ARID5B: variants seen among roughly 807,000 people sequenced by gnomAD.
The protein encoded by ARID5B is AT-rich interactive domain-containing protein 5B.
In ARID5B, 13 loss-of-function variants were observed where a neutral mutation model predicts 97.2. The ratio of observed to expected loss-of-function variants is 0.13; its 90% CI spans 0.09 to 0.21. The LOEUF (loss-of-function observed/expected upper bound fraction) is 0.21. Among genes scored for constraint, ARID5B ranks in the 10% least tolerant of loss-of-function variants. The probability of loss-of-function intolerance (pLI) is 1.00; values close to 1 mark genes in which losing one functional copy is unlikely to be tolerated. For synonymous variants in ARID5B, 556 were observed against 570.3 expected, an observed-to-expected ratio of 0.97 and a Z score of 0.36; for missense variants, 1,210 against 1,465.3, an observed-to-expected ratio of 0.83 and a Z score of 2.84.
intron 4 of ARID5B, among the ~76,000 whole-genome samples, chr10:62,045,205 C>T (rs766871878): frequency 6.6e-6 from 1 of 152,208 alleles, no homozygotes; most frequent in Non-Finnish European, 1.5e-5. Flanking sequence ...TCTTTCATTA[C>T]ACCCATAAAT....
intron 2 of ARID5B, among the ~76,000 whole-genome samples, chr10:61,904,107 C>G (rs1843669638): frequency 1.3e-5 from 2 of 149,280 alleles, no homozygotes; most frequent in Non-Finnish European, 3.0e-5. Context: ...CTCTCCCCCT[C>G]CTGATTTCTT....
chr10:62,049,246 G>A (rs1839752341), intron 4 of ARID5B: 4 of 1,386,062 alleles, frequency 2.9e-6, no homozygotes, highest in Middle Eastern at 2.7e-4. Context: ...CTCCAGCAAA[G>A]TCCTCAGGCT....
At chr10:62,055,274 TA>T (rs1469684692) in intron 5 of ARID5B, among the ~76,000 whole-genome samples, 1 of 152,218 alleles carries the variant, frequency 6.6e-6, no homozygotes, top group Non-Finnish European at 1.5e-5. Flanking sequence ...TGCCTGGGCT[TA>T]AATTCCAGAT....
chr10:62,026,298 G>A (rs533538480), intron 4 of ARID5B, among the ~76,000 whole-genome samples: 2 of 152,330 alleles, frequency 1.3e-5, no homozygotes, highest in African/African-American at 4.8e-5. Context: ...TTACCTATTA[G>A]CAGATATGTG....
chr10:62,093,558 C>T lies in ARID5B; in HGVS notation c.*528C>T. The T allele has an allele frequency of 4.3e-6, 1 of 232,784 alleles. No homozygotes were observed. Among genetic ancestry groups the T allele is most frequent in the Non-Finnish European group, 8.5e-6 (1 of 118,110 alleles). The allele number at this position is 232,784 out of a possible 1,614,324, so 14.4% of individuals were successfully genotyped here. The stretch of plus-strand genomic sequence containing the variant: ...AGAGAAGTAAACACTGTTAAATTGA[C>T]TGTATATATTTGCTTCTTAAAACTA... On this transcript the variant is annotated 3_prime_UTR_variant, in exon 10 of 10. Transcript: ENST00000279873.
chr10:61,908,913 C>CTT, intron 2 of ARID5B, among the ~76,000 whole-genome samples: 1 of 151,894 alleles, frequency 6.6e-6, no homozygotes, highest in Non-Finnish European at 1.5e-5. Flanking sequence ...AGACTCTTTC[C>CTT]ATCTGTGTTC....
rs1255967411 is a variant in ARID5B, at chr10:62,095,668, T to C, written c.*2638T>C. The C allele has an allele frequency of 8.6e-6, 2 of 232,994 alleles. No individual in the cohort carries two copies. The highest frequency in any genetic ancestry group is 1.7e-5 in the Non-Finnish European group (2 of 117,670). 14.4% of individuals were successfully genotyped at this position (232,994 alleles called of 1,614,324 possible). On this transcript the variant is annotated 3_prime_UTR_variant, in exon 10 of 10. Coordinates refer to ENST00000279873, the MANE Select transcript of ARID5B (RefSeq NM_032199.3). ...CAGTGTGTTATTTGTTTTAAAACTC[T>C]GAACAGAGATCTTGGAAATCTTTCA...
intron 3 of ARID5B, among the ~76,000 whole-genome samples, chr10:61,967,978 C>T (rs147669730): frequency 6.6e-6 from 1 of 151,734 alleles, no homozygotes; most frequent in African/African-American, 2.4e-5. Context: ...CACGTAAGGG[C>T]CTATTATGCC....
chr10:61,983,867 C>CTTTTTTTTTTTTTTT lies in ARID5B; in HGVS notation c.503-16207_503-16193dup, dbSNP rs1164342402. On this transcript the variant is annotated intron_variant, in intron 3 of 9. Coordinates refer to ENST00000279873, the MANE Select transcript of ARID5B (RefSeq NM_032199.3). ...TATATTTTTTAAACCCCCTTTTGTT[C>CTTTTTTTTTTTTTTT]TTTTTTTTTTTTTTTTTTTTTTTTT... Among the ~76,000 whole-genome samples the CTTTTTTTTTTTTTTT allele has an allele frequency of 6.5e-4, 18 of 27,588 alleles. 5 individuals are homozygous for CTTTTTTTTTTTTTTT. The highest frequency in any genetic ancestry group is 2.7e-3 in the African/African-American group (17 of 6,320). 18.1% of individuals were successfully genotyped at this position (27,588 alleles called of 152,430 possible).
chr10:61,994,588 C>A (rs1356914010), intron 3 of ARID5B, among the ~76,000 whole-genome samples: 2 of 152,124 alleles, frequency 1.3e-5, no homozygotes, highest in African/African-American at 4.8e-5. Flanking sequence ...AGAATGAAGG[C>A]CTGCTCTTAC....
chr10:62,016,645 C>A (rs1437813957), intron 4 of ARID5B, among the ~76,000 whole-genome samples: 1 of 152,198 alleles, frequency 6.6e-6, no homozygotes. Context: ...CCTATACTAA[C>A]AGACCATGTG....
chr10:62,002,170 T>A (rs189296848), intron 4 of ARID5B, among the ~76,000 whole-genome samples: 116 of 152,324 alleles, frequency 7.6e-4, no homozygotes, highest in Middle Eastern at 3.4e-3. Flanking sequence ...ATTTAAGAAT[T>A]ATTAGTCATT....
chr10:62,021,413 T>G (rs771882595), intron 4 of ARID5B, among the ~76,000 whole-genome samples: 3 of 152,200 alleles, frequency 2.0e-5, no homozygotes, highest in African/African-American at 4.8e-5. Context: ...GAGTATTTAT[T>G]TAGAAATATG....
chr10:61,919,412 A>G (rs1007354616), intron 2 of ARID5B, among the ~76,000 whole-genome samples: 15 of 152,096 alleles, frequency 9.9e-5, no homozygotes, highest in African/African-American at 3.6e-4. Context: ...GTGTATTCCA[A>G]TCCAACTCTG....
rs192409475 is a variant in ARID5B, at chr10:61,920,672, G to C, written c.276+18259G>C. 3.8e-3 allele frequency among the ~76,000 whole-genome samples: 585 copies of C among 152,148 alleles called. 2 individuals are homozygous for C. The highest frequency in any genetic ancestry group is 0.013 in the African/African-American group (543 of 41,514). On this transcript the variant is annotated intron_variant, in intron 2 of 9. Coordinates refer to ENST00000279873, the MANE Select transcript of ARID5B (RefSeq NM_032199.3). ...CTTGGAATTCTCATATGGTAGTTAA[G>C]GGCATAACATAATATTGCTCTTGAA... is the stretch of plus-strand genomic sequence containing the variant.
intron 3 of ARID5B, among the ~76,000 whole-genome samples, chr10:61,972,759 C>T (rs538830889): frequency 3.7e-4 from 57 of 152,100 alleles, no homozygotes; most frequent in Non-Finnish European, 6.9e-4. Context: ...AGGATAAACT[C>T]CTAGAAGTGG....
chr10:61,984,735 C>T (rs1589246289), intron 3 of ARID5B, among the ~76,000 whole-genome samples: 1 of 152,222 alleles, frequency 6.6e-6, no homozygotes, highest in East Asian at 1.9e-4. Context: ...AGCATTGCCA[C>T]CAAGGTTCTC....
intron 8 of ARID5B, among the ~76,000 whole-genome samples, chr10:62,085,064 C>T (rs1340142810): frequency 6.6e-6 from 1 of 152,172 alleles, no homozygotes; most frequent in East Asian, 1.9e-4. Flanking sequence ...TTCAGATGGG[C>T]AGCACTAGGT....
At position 61,902,139 on chromosome 10, in the gene ARID5B, G is replaced by GT. The variant is rs541429550; in HGVS notation, c.22-13dup. ...CTGATGGCTACATTATTTATTTGGT[G>GT]TTTTTTTCCCCCCCTGCAGTGGGTC... On this transcript the variant is annotated intron_variant, in intron 1 of 9. Coordinates refer to ENST00000279873, the MANE Select transcript of ARID5B (RefSeq NM_032199.3). 1.1e-4 allele frequency: 179 copies of GT among 1,610,316 alleles called. No homozygotes were observed. The highest frequency in any genetic ancestry group is 2.5e-4 in the East Asian group (11 of 44,862).
Sources: allele counts gnomAD v4.1 joint callset (sites outside exome capture counted in the v4.1 genomes callset), GRCh38; gene constraint gnomAD v4.1.1; transcripts MANE v1.5; gene names NCBI Gene and HGNC (gene_info 2026-07-23, HGNC 2026-07-21).